The following ST6GALNAC3 variants were observed in gnomAD, a reference collection of about 807,000 sequenced individuals.
ST6GALNAC3 encodes alpha-N-acetylgalactosaminide alpha-2,6-sialyltransferase 3.
A neutral mutation model predicts 32.7 loss-of-function variants in ST6GALNAC3; 25 were observed. That is an observed-to-expected ratio of 0.76 (90% CI 0.56 to 1.07). The LOEUF (loss-of-function observed/expected upper bound fraction) is 1.07. Ranked by LOEUF, ST6GALNAC3 falls within the 50% of genes least tolerant of loss-of-function variation. The pLI is 0.00. For missense variants in ST6GALNAC3, 355 were observed against 382.4 expected (o/e 0.93, Z 0.60); for synonymous variants, 129 against 133.1 (o/e 0.97, Z 0.21).
intron 2 of ST6GALNAC3, among the ~76,000 whole-genome samples, chr1:76,336,076 TG>T (rs1647448601): frequency 6.6e-6 from 1 of 152,134 alleles, no homozygotes; most frequent in South Asian, 2.1e-4. Flanking sequence ...GCCTTTCTGA[TG>T]GGAGCCAAGA....
intron 2 of ST6GALNAC3, among the ~76,000 whole-genome samples, chr1:76,393,039 C>A (rs1652685295): frequency 6.6e-6 from 1 of 152,162 alleles, no homozygotes; most frequent in Non-Finnish European, 1.5e-5. Context: ...CCATAATATC[C>A]CCAAACCCCT....
intron 1 of ST6GALNAC3, among the ~76,000 whole-genome samples, chr1:76,141,227 T>C (rs1650300505): frequency 1.3e-5 from 2 of 152,186 alleles, no homozygotes; most frequent in African/African-American, 4.8e-5. Context: ...CCTTCATGGC[T>C]AGAGATTTTT....
intron 3 of ST6GALNAC3, among the ~76,000 whole-genome samples, chr1:76,426,843 C>T (rs1026116996): frequency 2.6e-5 from 4 of 151,844 alleles, no homozygotes; most frequent in Non-Finnish European, 4.4e-5. Context: ...TTTTCAGCTC[C>T]GTTTATAATC....
chr1:76,578,320 A>T (rs550496866), intron 3 of ST6GALNAC3, among the ~76,000 whole-genome samples: 1 of 152,194 alleles, frequency 6.6e-6, no homozygotes, highest in African/African-American at 2.4e-5. Context: ...GTAAACAACT[A>T]GATGTAGTAA....
chr1:76,250,552 T>C (rs947571803), intron 1 of ST6GALNAC3, among the ~76,000 whole-genome samples: 1 of 152,166 alleles, frequency 6.6e-6, no homozygotes, highest in Non-Finnish European at 1.5e-5. Flanking sequence ...AAACCTGAAT[T>C]TCATTTGCAG....
intron 2 of ST6GALNAC3, among the ~76,000 whole-genome samples, chr1:76,395,992 T>A (rs1652925984): frequency 6.6e-6 from 1 of 152,020 alleles, no homozygotes; most frequent in Non-Finnish European, 1.5e-5. Context: ...CACATAGAAA[T>A]GAAAAATACT....
intron 3 of ST6GALNAC3, among the ~76,000 whole-genome samples, chr1:76,417,405 G>A (rs1571164513): frequency 2.0e-5 from 3 of 152,122 alleles, no homozygotes; most frequent in African/African-American, 7.2e-5. Context: ...TTTCCCCTTT[G>A]AATGATTGGT....
chr1:76,173,504 G>T (rs1275125289), intron 1 of ST6GALNAC3, among the ~76,000 whole-genome samples: 3 of 152,166 alleles, frequency 2.0e-5, no homozygotes, highest in African/African-American at 7.2e-5. Context: ...TTAAACTAAA[G>T]AGCTTCTGCA....
intron 1 of ST6GALNAC3, among the ~76,000 whole-genome samples, chr1:76,246,536 A>C (rs1255634782): frequency 6.6e-6 from 1 of 152,134 alleles, no homozygotes; most frequent in Non-Finnish European, 1.5e-5. Flanking sequence ...GTATTTTTGC[A>C]ATGGCTGGTA....
chr1:76,529,065 T>G (rs1663092184), intron 3 of ST6GALNAC3, among the ~76,000 whole-genome samples: 1 of 151,998 alleles, frequency 6.6e-6, no homozygotes, highest in Non-Finnish European at 1.5e-5. Flanking sequence ...AGGCATCACC[T>G]GTTGAAGATG....
At chr1:76,556,676 T>A (rs1209531095) in intron 3 of ST6GALNAC3, among the ~76,000 whole-genome samples, 1 of 152,160 alleles carries the variant, frequency 6.6e-6, no homozygotes, top group Non-Finnish European at 1.5e-5. Context: ...CTTCTTTGGA[T>A]AAATGTTTCT....
intron 3 of ST6GALNAC3, among the ~76,000 whole-genome samples, chr1:76,457,711 T>A (rs1657939336): frequency 6.6e-6 from 1 of 152,126 alleles, no homozygotes; most frequent in Admixed American, 6.5e-5. Context: ...ATCCCTTCCT[T>A]ACACCTTATA....
At chr1:76,156,741 C>CT (rs935109184) in intron 1 of ST6GALNAC3, among the ~76,000 whole-genome samples, 35 of 151,942 alleles carry the variant, frequency 2.3e-4, no homozygotes, top group East Asian at 5.8e-4. Context: ...AAGCCCTGGC[C>CT]TTTTTTTTGA....
chr1:76,478,237 T>C (rs1659479008), intron 3 of ST6GALNAC3, among the ~76,000 whole-genome samples: 1 of 152,192 alleles, frequency 6.6e-6, no homozygotes, highest in East Asian at 1.9e-4. Flanking sequence ...TTAAGTTAAG[T>C]CTCAGCCTAT....
At chr1:76,157,441 AC>A (rs1025995029) in intron 1 of ST6GALNAC3, among the ~76,000 whole-genome samples, 2 of 152,150 alleles carry the variant, frequency 1.3e-5, no homozygotes, top group Non-Finnish European at 2.9e-5. Flanking sequence ...GTTAACTTAT[AC>A]CCCCATGGAA....
At chr1:76,321,578 T>A (rs1364698095) in intron 2 of ST6GALNAC3, among the ~76,000 whole-genome samples, 1 of 152,168 alleles carries the variant, frequency 6.6e-6, no homozygotes, top group Non-Finnish European at 1.5e-5. Context: ...CAAGGTGCCA[T>A]CTGAAGGAGG....
In ST6GALNAC3 at chr1:76,439,498, T is replaced by C. The variant is rs758034855; in HGVS notation, c.623+27081T>C. ...TTGGTTATTGCTGCAGGTTGAAGAA[T>C]GTGCTTTAACAAAAGTATACCAGCT... On this transcript the variant is annotated intron_variant, in intron 3 of 4. Coordinates refer to ENST00000328299, the MANE Select transcript of ST6GALNAC3 (RefSeq NM_152996.4). 2.6e-5 allele frequency among the ~76,000 whole-genome samples: 4 copies of C among 152,234 alleles called. No individual in the cohort carries two copies. In the South Asian group the frequency reaches 8.3e-4, roughly 31 times the overall value.
At chr1:76,468,967 T>C (rs1658840998) in intron 3 of ST6GALNAC3, among the ~76,000 whole-genome samples, 1 of 152,044 alleles carries the variant, frequency 6.6e-6, no homozygotes, top group Admixed American at 6.6e-5. Flanking sequence ...AACCTGTTGA[T>C]GTGGACTCAT....
chr1:76,492,854 C>A (rs956488473), intron 3 of ST6GALNAC3, among the ~76,000 whole-genome samples: 5 of 152,164 alleles, frequency 3.3e-5, no homozygotes, highest in Admixed American at 2.0e-4. Context: ...TAATGACACT[C>A]ATGAACCATG....
Sources: allele counts gnomAD v4.1 joint callset (sites outside exome capture counted in the v4.1 genomes callset), GRCh38; gene constraint gnomAD v4.1.1; transcripts MANE v1.5; gene names NCBI Gene and HGNC (gene_info 2026-07-23, HGNC 2026-07-21).